The following ANO10 variants were observed in gnomAD, a reference collection of about 807,000 sequenced individuals.
The protein encoded by ANO10 is anoctamin-10.
A neutral mutation model predicts 74.7 loss-of-function variants in ANO10; 77 were observed. The observed-to-expected ratio is 1.03, with a 90% CI of 0.86 to 1.25. ANO10 has a LOEUF of 1.25. Among genes scored for constraint, ANO10 ranks in the 50% most tolerant of loss-of-function variants. ANO10 has a pLI of 0.00. For missense variants in ANO10, 721 were observed against 778.1 expected (o/e 0.93, Z 0.87); for synonymous variants, 279 against 284.9 (o/e 0.98, Z 0.21).
chr3:43,599,288 G>C (rs949009798), intron 3 of ANO10, among the ~76,000 whole-genome samples: 1 of 152,114 alleles, frequency 6.6e-6, no homozygotes, highest in Non-Finnish European at 1.5e-5. Context: ...GCCCTGGCAG[G>C]GATCAGTTTG....
In ANO10 at chr3:43,540,209, G is replaced by A. The variant is rs532340200; in HGVS notation, c.1797+9511C>T. Among the ~76,000 whole-genome samples, 3 of 152,252 alleles carry A rather than the reference G, an allele frequency of 2.0e-5. No individual in the cohort carries two copies. The East Asian group carries it at 5.8e-4, about 29-fold the overall frequency. On this transcript the variant is annotated intron_variant, in intron 11 of 12. Transcript: ENST00000292246. ...AAATGCATATATTCATTTTGTTTTA[G>A]CAAACATTTAAATGTACACTAATTT...
At chr3:43,477,702 C>T (rs551001063) in intron 11 of ANO10, among the ~76,000 whole-genome samples, 1 of 152,326 alleles carries the variant, frequency 6.6e-6, no homozygotes, top group African/African-American at 2.4e-5. Context: ...ATCCCCTATA[C>T]TGTCAGTCGA....
At chr3:43,667,532 C>T (rs2084006904) in intron 1 of ANO10, among the ~76,000 whole-genome samples, 1 of 152,152 alleles carries the variant, frequency 6.6e-6, no homozygotes, top group South Asian at 2.1e-4. Flanking sequence ...TTAGGGCACT[C>T]GCCACCTGAG....
chr3:43,534,965 T>C (rs1020725778), intron 11 of ANO10, among the ~76,000 whole-genome samples: 12 of 151,670 alleles, frequency 7.9e-5, no homozygotes, highest in Admixed American at 6.6e-5. Flanking sequence ...TTTTCCTATA[T>C]GTAGATTTTT....
chr3:43,593,472 A>G (rs1384916908), intron 4 of ANO10, among the ~76,000 whole-genome samples: 2 of 152,260 alleles, frequency 1.3e-5, no homozygotes, highest in Admixed American at 6.5e-5. Flanking sequence ...CTTAAAGAAA[A>G]GAATTTTCAA....
chr3:43,691,349 G>C (rs1230185474), intron 1 of ANO10: 1 of 241,286 alleles, frequency 4.1e-6, no homozygotes, highest in Non-Finnish European at 7.9e-6. Context: ...GCGGGCCGGC[G>C]ACGGAGCTGG....
chr3:43,646,415 T>C (rs2083726578), intron 1 of ANO10, among the ~76,000 whole-genome samples: 1 of 152,212 alleles, frequency 6.6e-6, no homozygotes, highest in Admixed American at 6.5e-5. Flanking sequence ...ACAGCATGTG[T>C]GGCTGAGATT....
At chr3:43,519,756 A>G (rs2077869627) in intron 11 of ANO10, among the ~76,000 whole-genome samples, 2 of 152,172 alleles carry the variant, frequency 1.3e-5, no homozygotes, top group African/African-American at 4.8e-5. Context: ...GCTGATACAC[A>G]GGTAGGTTAC....
chr3:43,683,764 G>A (rs910913633), intron 1 of ANO10, among the ~76,000 whole-genome samples: 2 of 152,084 alleles, frequency 1.3e-5, no homozygotes, highest in African/African-American at 4.8e-5. Context: ...AGAGCCCTCA[G>A]AAATAATACC....
intron 11 of ANO10, among the ~76,000 whole-genome samples, chr3:43,473,408 T>C (rs552142230): frequency 2.4e-4 from 36 of 152,132 alleles, no homozygotes; most frequent in Non-Finnish European, 4.4e-4. Flanking sequence ...TCCCCTTGCC[T>C]ACCATGATAA....
intron 11 of ANO10, among the ~76,000 whole-genome samples, chr3:43,504,300 G>GTAGATAGACAGATAGATAGA (rs753469115): frequency 1.3e-3 from 180 of 139,822 alleles, no homozygotes; most frequent in African/African-American, 3.1e-3. Context: ...AGGTAGGTAG[G>GTAGATAGACAGATAGATAGA]TAGATAGATA....
At chr3:43,515,199 A>G (rs2077659197) in intron 11 of ANO10, among the ~76,000 whole-genome samples, 1 of 152,192 alleles carries the variant, frequency 6.6e-6, no homozygotes, top group Non-Finnish European at 1.5e-5. Context: ...ATAATTGATT[A>G]AACATTATTT....
intron 12 of ANO10, among the ~76,000 whole-genome samples, chr3:43,400,300 T>C (rs577243972): frequency 6.6e-6 from 1 of 151,392 alleles, no homozygotes; most frequent in South Asian, 2.1e-4. Flanking sequence ...CTTTCCCATA[T>C]AGTGTCCACT....
chr3:43,597,094 C>T (rs2082124318), intron 4 of ANO10, among the ~76,000 whole-genome samples: 1 of 152,108 alleles, frequency 6.6e-6, no homozygotes, highest in South Asian at 2.1e-4. Flanking sequence ...AAATGGTGAT[C>T]ATTAAAAAGT....
At chr3:43,397,148 T>C (rs531384215) in intron 12 of ANO10, among the ~76,000 whole-genome samples, 3 of 152,182 alleles carry the variant, frequency 2.0e-5, no homozygotes, top group African/African-American at 4.8e-5. Context: ...AGGCTGGTCT[T>C]GAACTCTTGA....
At chr3:43,586,413 C>A (rs1454770716) in intron 4 of ANO10, among the ~76,000 whole-genome samples, 1 of 152,054 alleles carries the variant, frequency 6.6e-6, no homozygotes, top group Non-Finnish European at 1.5e-5. Flanking sequence ...GAACGCACTG[C>A]CAGGTAAAAT....
At chr3:43,422,799 G>C (rs897784730) in intron 12 of ANO10, among the ~76,000 whole-genome samples, 1 of 152,214 alleles carries the variant, frequency 6.6e-6, no homozygotes, top group Non-Finnish European at 1.5e-5. Context: ...AAACCAATGA[G>C]ATAAGTAGTC....
At chr3:43,580,976 A>G (rs1237957768) in intron 4 of ANO10, among the ~76,000 whole-genome samples, 1 of 152,166 alleles carries the variant, frequency 6.6e-6, no homozygotes, top group Non-Finnish European at 1.5e-5. Context: ...GCTGTAATTC[A>G]ACTAATCTTC....
intron 4 of ANO10, among the ~76,000 whole-genome samples, chr3:43,585,358 A>G (rs982599384): frequency 1.3e-5 from 2 of 149,058 alleles, no homozygotes; most frequent in African/African-American, 5.0e-5. Flanking sequence ...AGAGGAAGAA[A>G]GGAAAAAAAA....
Sources: gnomAD v4.1 joint callset for allele counts (sites outside exome capture counted in the v4.1 genomes callset) on GRCh38, gnomAD v4.1.1 for gene constraint, MANE v1.5 for transcripts, NCBI Gene and HGNC (gene_info 2026-07-23, HGNC 2026-07-21) for gene names.